The following CLASP2 variants were observed in gnomAD, a reference collection of about 807,000 sequenced individuals.
The protein encoded by CLASP2 is cytoplasmic linker associated protein 2, also known as CLIP-associating protein 2.
Under a neutral mutation model 194.4 loss-of-function variants are expected in CLASP2, and 47 were observed. The ratio of observed to expected loss-of-function variants is 0.24; its 90% CI spans 0.19 to 0.31. The LOEUF (loss-of-function observed/expected upper bound fraction) is 0.31, where lower values mean the gene tolerates loss of function less well. CLASP2 is among the 10% of genes least tolerant of loss of function. The pLI is 1.00. For missense variants in CLASP2, 1,445 were observed against 1,823.6 expected (o/e 0.79, Z 3.78); for synonymous variants, 619 against 633.5 (o/e 0.98, Z 0.34).
Position 33,683,667 on chromosome 3 carries a change from G to T in CLASP2, c.644+692C>A, listed in dbSNP as rs558193657. 3 of 152,306 alleles carry T rather than the reference G, an allele frequency of 2.0e-5. No individual in the cohort carries two copies. In the East Asian group the frequency reaches 5.8e-4, roughly 29 times the overall value. The allele number at this position is 152,306 out of a possible 1,614,324, so 9.4% of individuals were successfully genotyped here. A position where few individuals can be genotyped will look rare whatever the true frequency, so the allele number is the denominator to read the frequency against. Reference sequence around the variant, plus strand: ...TGAACCTATTTAAATACACAGGCTGGGTACGGTGGCTCTCACCTAATCCCA... The same window carrying T: ...TGAACCTATTTAAATACACAGGCTGTGTACGGTGGCTCTCACCTAATCCCA... On this transcript the variant is annotated intron_variant, in intron 6 of 38. Coordinates refer to ENST00000682230, the MANE Select transcript of CLASP2 (RefSeq NM_001365631.1).
At chr3:33,548,444 C>T (rs551875665) in intron 30 of CLASP2, among the ~76,000 whole-genome samples, 6 of 151,998 alleles carry the variant, frequency 3.9e-5, no homozygotes, top group South Asian at 4.2e-4. Context: ...ACTGCAGGTG[C>T]GTGCCACCAC....
intron 36 of CLASP2, among the ~76,000 whole-genome samples, chr3:33,513,517 G>A (rs1024109590): frequency 9.9e-5 from 15 of 152,122 alleles, no homozygotes; most frequent in East Asian, 1.9e-4. Flanking sequence ...GGGTGACAGC[G>A]AGACTCGGTC....
At position 33,584,894 on chromosome 3, in the gene CLASP2, T is replaced by C; in HGVS notation, c.2095A>G (p.Arg699Gly). Reference sequence around the variant, plus strand: ...GACAGGGCTGTTGTGGTCAGAACTCTTCCTGGAGACCCAGACCGGCTACCA... The same window carrying C: ...GACAGGGCTGTTGTGGTCAGAACTCCTCCTGGAGACCCAGACCGGCTACCA... ...QPGSRSGSPG[R>G]VLTTTALSTV... The change falls in exon 22 of 39, where the codon AGA becomes GGA. Residue 699 changes from arginine (R) to glycine (G), a missense_variant. By Grantham distance (125) the Arg-to-Gly change is moderately radical (BLOSUM62 -2). This residue lies in a region of CLASP2 where 732 missense variants were observed against 987.9 expected (regional missense o/e 0.74). Transcript: ENST00000682230. 9 of 1,612,910 alleles carry C rather than the reference T, an allele frequency of 5.6e-6. No homozygotes were observed. Among genetic ancestry groups the C allele is most frequent in the Non-Finnish European group, 6.8e-6 (8 of 1,179,448 alleles).
At chr3:33,547,020 G>T (rs1266592059) in intron 30 of CLASP2, among the ~76,000 whole-genome samples, 4 of 152,132 alleles carry the variant, frequency 2.6e-5, no homozygotes, top group Non-Finnish European at 5.9e-5. Context: ...TGATTATGTG[G>T]TTTTTGTATT....
chr3:33,645,617 A>G (rs2082141858), intron 7 of CLASP2: 2 of 305,010 alleles, frequency 6.6e-6, no homozygotes, highest in Non-Finnish European at 1.2e-5. Flanking sequence ...TCAAAATTTC[A>G]AAGGCATTCA....
At chr3:33,517,610 T>C (rs1343475237) in intron 34 of CLASP2, among the ~76,000 whole-genome samples, 1 of 152,226 alleles carries the variant, frequency 6.6e-6, no homozygotes, top group Non-Finnish European at 1.5e-5. Flanking sequence ...AAACGACCAC[T>C]GGATTTAGGT....
At chr3:33,671,159 G>C (rs1259036132) in intron 6 of CLASP2, among the ~76,000 whole-genome samples, 1 of 152,100 alleles carries the variant, frequency 6.6e-6, no homozygotes, top group Non-Finnish European at 1.5e-5. Flanking sequence ...AGTGAGAGGA[G>C]GGTGGGAAAC....
chr3:33,546,146 A>C (rs1444599356), intron 30 of CLASP2, among the ~76,000 whole-genome samples: 2 of 152,206 alleles, frequency 1.3e-5, no homozygotes, highest in African/African-American at 4.8e-5. Context: ...ACTTTATTCC[A>C]TCTAGTTTAC....
At chr3:33,547,267 G>T (rs1559963793) in intron 30 of CLASP2, among the ~76,000 whole-genome samples, 1 of 152,158 alleles carries the variant, frequency 6.6e-6, no homozygotes, top group Admixed American at 6.5e-5. Flanking sequence ...AGTCTCATGA[G>T]ATCTGATGAT....
chr3:33,521,888 C>A (rs575848304), intron 34 of CLASP2, among the ~76,000 whole-genome samples: 3 of 152,082 alleles, frequency 2.0e-5, no homozygotes, highest in East Asian at 1.9e-4. Flanking sequence ...CTCCCCCCTC[C>A]ACCAGCCCCA....
chr3:33,681,645 T>C (rs1003383651), intron 6 of CLASP2, among the ~76,000 whole-genome samples: 1 of 152,210 alleles, frequency 6.6e-6, no homozygotes, highest in Non-Finnish European at 1.5e-5. Context: ...TAAAAGAGTG[T>C]TGGAGTACAT....
intron 37 of CLASP2, among the ~76,000 whole-genome samples, chr3:33,507,029 C>T (rs969757160): frequency 6.6e-6 from 1 of 151,382 alleles, no homozygotes; most frequent in Non-Finnish European, 1.5e-5. Flanking sequence ...ACCTCTGCCT[C>T]CTAGGTTCAA....
At chr3:33,621,742 C>G (rs948751355) in intron 11 of CLASP2, among the ~76,000 whole-genome samples, 2 of 152,146 alleles carry the variant, frequency 1.3e-5, no homozygotes, top group African/African-American at 2.4e-5. Flanking sequence ...TTAGGTTTTG[C>G]TAAGTTAATG....
At chr3:33,548,174 G>A (rs958259255) in intron 30 of CLASP2, among the ~76,000 whole-genome samples, 4 of 151,508 alleles carry the variant, frequency 2.6e-5, no homozygotes, top group Non-Finnish European at 5.9e-5. Context: ...TATTTTTCTA[G>A]GAATTTGTCC....
Position 33,602,945 on chromosome 3 carries a change from C to T in CLASP2, c.1924+7G>A. ...ATGGTACAATTTTCCATAATCAGTT[C>T]TCTTACCTAGTGACGCATAGGAACC... On this transcript the variant is annotated splice_region_variant and intron_variant, in intron 18 of 38. Transcript: ENST00000682230. The T allele has an allele frequency of 6.2e-7, 1 of 1,606,434 alleles. No homozygotes were observed. The highest frequency in any genetic ancestry group is 8.5e-7 in the Non-Finnish European group (1 of 1,176,126).
chr3:33,700,000 G>C (rs1359069730), intron 1 of CLASP2, among the ~76,000 whole-genome samples: 3 of 150,894 alleles, frequency 2.0e-5, no homozygotes, highest in African/African-American at 7.3e-5. Context: ...AAATCTAATA[G>C]AATTCATTAC....
intron 1 of CLASP2, among the ~76,000 whole-genome samples, chr3:33,713,926 A>G (rs1021562448): frequency 6.6e-6 from 1 of 152,220 alleles, no homozygotes; most frequent in African/African-American, 2.4e-5. Context: ...GAGCTGGCAA[A>G]TAACAGGATA....
intron 1 of CLASP2, among the ~76,000 whole-genome samples, chr3:33,708,234 C>G (rs1458926763): frequency 1.3e-5 from 2 of 151,906 alleles, no homozygotes; most frequent in African/African-American, 4.8e-5. Flanking sequence ...TCCTCCAACC[C>G]CTGGTAATCA....
chr3:33,602,544 G>C, intron 18 of CLASP2: 1 of 763,168 alleles, frequency 1.3e-6, no homozygotes, highest in Non-Finnish European at 2.4e-6. Flanking sequence ...TGGTTAGACA[G>C]AGTAGAGCTT....
Sources: allele counts gnomAD v4.1 joint callset (sites outside exome capture counted in the v4.1 genomes callset), GRCh38; gene constraint gnomAD v4.1.1; regional missense constraint gnomAD v4.1.1; transcripts MANE v1.5; gene names NCBI Gene and HGNC (gene_info 2026-07-23, HGNC 2026-07-21).